Variants in BMP6 observed in about 807,000 individuals in gnomAD.
BMP6 encodes the protein VG-1-R.
Under a neutral mutation model 54.1 loss-of-function variants are expected in BMP6, and 17 were observed. The observed-to-expected ratio is 0.31, with a 90% confidence interval of 0.22 to 0.47. BMP6 has a LOEUF of 0.47. BMP6 is among the 20% of genes least tolerant of loss of function. The probability of loss-of-function intolerance (pLI) is 1.00; values close to 1 mark genes in which losing one functional copy is unlikely to be tolerated. For missense variants in BMP6, 720 were observed against 690.4 expected (o/e 1.04, Z -0.48); for synonymous variants, 328 against 291.2 (o/e 1.13, Z -1.28).
At chr6:7,867,443 C>T (rs1759442502) in intron 4 of BMP6, among the ~76,000 whole-genome samples, 1 of 152,202 alleles carries the variant, frequency 6.6e-6, no homozygotes, top group Non-Finnish European at 1.5e-5. Flanking sequence ...CAAGGAAATC[C>T]AGTCCAGACT....
intron 1 of BMP6, among the ~76,000 whole-genome samples, chr6:7,829,953 G>A (rs1002211565): frequency 2.0e-5 from 3 of 152,174 alleles, no homozygotes; most frequent in African/African-American, 7.2e-5. Flanking sequence ...CTCTGTAGAA[G>A]CTTCAAGGGA....
At chr6:7,878,749 G>A (rs772044904) in intron 4 of BMP6, among the ~76,000 whole-genome samples, 10 of 152,244 alleles carry the variant, frequency 6.6e-5, no homozygotes, top group Admixed American at 1.3e-4. Flanking sequence ...CCGGTCTGGC[G>A]CCTCTGGGGT....
intron 1 of BMP6, among the ~76,000 whole-genome samples, chr6:7,787,660 G>A (rs954164393): frequency 3.3e-5 from 5 of 152,296 alleles, no homozygotes; most frequent in South Asian, 2.1e-4. Context: ...TGTCTGAAAC[G>A]GTCATGGTCT....
At chr6:7,785,431 A>G (rs1370848610) in intron 1 of BMP6, among the ~76,000 whole-genome samples, 1 of 152,194 alleles carries the variant, frequency 6.6e-6, no homozygotes, top group African/African-American at 2.4e-5. Context: ...ATTGTCAGAC[A>G]CAGTAAGATT....
intron 1 of BMP6, among the ~76,000 whole-genome samples, chr6:7,797,730 A>G (rs533836377): frequency 4.6e-5 from 7 of 152,294 alleles, no homozygotes; most frequent in Middle Eastern, 6.8e-3. Context: ...GGCTTGGTTC[A>G]TCTCTTAGAC....
At chr6:7,762,046 C>G (rs1045144927) in intron 1 of BMP6, among the ~76,000 whole-genome samples, 35 of 152,116 alleles carry the variant, frequency 2.3e-4, no homozygotes, top group African/African-American at 8.5e-4. Context: ...CTCAGCCTCC[C>G]GAGTAGCTGG....
intron 1 of BMP6, among the ~76,000 whole-genome samples, chr6:7,749,271 T>C (rs1757388335): frequency 6.6e-6 from 1 of 152,250 alleles, no homozygotes; most frequent in African/African-American, 2.4e-5. Flanking sequence ...TTTTATCTTA[T>C]GAATATTGAG....
At chr6:7,789,954 A>G (rs540460210) in intron 1 of BMP6, among the ~76,000 whole-genome samples, 1 of 152,170 alleles carries the variant, frequency 6.6e-6, no homozygotes, top group African/African-American at 2.4e-5. Flanking sequence ...TGACCAACTC[A>G]GCCTGATATA....
chr6:7,803,579 C>A (rs1345277664), intron 1 of BMP6, among the ~76,000 whole-genome samples: 3 of 152,188 alleles, frequency 2.0e-5, no homozygotes, highest in Admixed American at 6.5e-5. Flanking sequence ...GCCACTGTCT[C>A]CACCTACAGA....
At position 7,881,198 on chromosome 6, in the gene BMP6, C is replaced by T. The variant is rs2113301826; in HGVS notation, c.*855C>T. ...CTTTTTACTATACAGCATACCACGC[C>T]ACAGGGTTAGAACCAACGAAGAAAA... On this transcript the variant is annotated 3_prime_UTR_variant, in exon 7 of 7. Coordinates refer to ENST00000283147, the MANE Select transcript of BMP6 (RefSeq NM_001718.6). 6.6e-6 allele frequency: 1 copy of T among 152,640 alleles called. No homozygotes were observed. The highest frequency in any genetic ancestry group is 2.4e-5 in the African/African-American group (1 of 41,542). 9.5% of individuals were successfully genotyped at this position (152,640 alleles called of 1,614,324 possible). A position where few individuals can be genotyped will look rare whatever the true frequency, so the allele number is the denominator to read the frequency against.
intron 5 of BMP6, among the ~76,000 whole-genome samples, chr6:7,879,496 G>GA (rs1432162668): frequency 6.6e-6 from 1 of 152,118 alleles, no homozygotes; most frequent in East Asian, 1.9e-4. Flanking sequence ...GACAGGGTTG[G>GA]AAAAAAATTA....
chr6:7,769,277 G>T (rs1410277506), intron 1 of BMP6, among the ~76,000 whole-genome samples: 1 of 152,208 alleles, frequency 6.6e-6, no homozygotes, highest in Non-Finnish European at 1.5e-5. Context: ...AGCAACCTGA[G>T]AATTGTTTCA....
chr6:7,831,533 A>G (rs1758794287), intron 1 of BMP6, among the ~76,000 whole-genome samples: 1 of 152,188 alleles, frequency 6.6e-6, no homozygotes, highest in Non-Finnish European at 1.5e-5. Context: ...TAAGGATGCA[A>G]TTTAGAAATC....
intron 1 of BMP6, among the ~76,000 whole-genome samples, chr6:7,747,559 T>C (rs933580660): frequency 6.6e-6 from 1 of 152,156 alleles, no homozygotes; most frequent in South Asian, 2.1e-4. Context: ...ACAACCTGAA[T>C]GAGCAAGGAA....
intron 1 of BMP6, among the ~76,000 whole-genome samples, chr6:7,822,062 C>A (rs1581263101): frequency 6.6e-6 from 1 of 152,018 alleles, no homozygotes; most frequent in South Asian, 2.1e-4. Flanking sequence ...GTCTTGTTGC[C>A]CAGGCTAGAG....
intron 1 of BMP6, among the ~76,000 whole-genome samples, chr6:7,840,419 A>G (rs543689105): frequency 7.2e-5 from 11 of 152,290 alleles, no homozygotes; most frequent in African/African-American, 2.4e-4. Context: ...ATTATGCTTC[A>G]TTACCTCCGT....
At chr6:7,730,043 GT>G (rs1223373537) in intron 1 of BMP6, among the ~76,000 whole-genome samples, 3 of 152,214 alleles carry the variant, frequency 2.0e-5, no homozygotes, top group Non-Finnish European at 4.4e-5. Context: ...TGATGTCAGT[GT>G]TTGGAAACCA....
chr6:7,863,834 C>T (rs144872743), intron 4 of BMP6, among the ~76,000 whole-genome samples: 2,546 of 152,092 alleles, frequency 0.017, 68 homozygotes, highest in African/African-American at 0.059. Flanking sequence ...GCCTGGCCAA[C>T]GTGGTGAAAC....
At chr6:7,869,726 G>A (rs550049684) in intron 4 of BMP6, among the ~76,000 whole-genome samples, 3 of 152,278 alleles carry the variant, frequency 2.0e-5, no homozygotes, top group South Asian at 4.1e-4. Context: ...ACTTAAGGTC[G>A]GGGAGCAGAG....
Sources: allele counts gnomAD v4.1 joint callset (sites outside exome capture counted in the v4.1 genomes callset), GRCh38; gene constraint gnomAD v4.1.1; transcripts MANE v1.5; gene names NCBI Gene and HGNC (gene_info 2026-07-23, HGNC 2026-07-21).